Variants in ZNF680 observed in about 807,000 individuals in gnomAD.
ZNF680 encodes the protein hypothetical protein FLJ90430.
A neutral mutation model predicts 12.1 loss-of-function variants in ZNF680; 6 were observed. The ratio of observed to expected loss-of-function variants is 0.49; its 90% CI spans 0.27 to 0.98. The LOEUF (loss-of-function observed/expected upper bound fraction) is 0.98. Ranked by LOEUF, ZNF680 falls within the 50% of genes least tolerant of loss-of-function variation. ZNF680 has a pLI of 0.12. For missense variants in ZNF680, 561 were observed against 616.3 expected (o/e 0.91, Z 0.95); for synonymous variants, 170 against 199.3 (o/e 0.85, Z 1.24).
the ZNF680 span, among the ~76,000 whole-genome samples, chr7:64,504,778 T>A: frequency 6.6e-6 from 1 of 152,216 alleles, no homozygotes; most frequent in African/African-American, 2.4e-5. Context: ...CTTAATTTAA[T>A]CGGCTGTTAT....
At chr7:64,503,378 C>CTTTT in the ZNF680 span, among the ~76,000 whole-genome samples, 66 of 89,890 alleles carry the variant, frequency 7.3e-4, no homozygotes, top group Non-Finnish European at 8.6e-4. Flanking sequence ...AACTGGAAGG[C>CTTTT]TTTTTTTTTT....
intron 3 of ZNF680, chr7:64,525,018 T>C (rs184111754): frequency 6.7e-6 from 1 of 149,066 alleles, no homozygotes; most frequent in Admixed American, 6.7e-5. Context: ...AAATTTCTCA[T>C]GCATTTTTGA....
the ZNF680 span, chr7:64,501,736 A>G: frequency 1.1e-6 from 1 of 914,128 alleles, no homozygotes; most frequent in Non-Finnish European, 1.8e-6. Context: ...TTAAGCACAT[A>G]GTGGGGGTTA....
the ZNF680 span, among the ~76,000 whole-genome samples, chr7:64,511,352 G>A: frequency 0.23 from 34,297 of 152,066 alleles, 4,059 homozygotes; most frequent in South Asian, 0.28. Context: ...ACTGAGGGCT[G>A]ATGCCCTCAG....
chr7:64,524,214 G>A (rs1415179431), intron 3 of ZNF680, among the ~76,000 whole-genome samples: 1 of 147,798 alleles, frequency 6.8e-6, no homozygotes, highest in Non-Finnish European at 1.5e-5. Context: ...ATGGTGAGAT[G>A]TCAGCTCACT....
downstream of ZNF680, among the ~76,000 whole-genome samples, chr7:64,518,751 C>T (rs1349974139): frequency 6.6e-6 from 1 of 151,740 alleles, no homozygotes; most frequent in East Asian, 1.9e-4. Context: ...GAAAGGAAAC[C>T]CTATTGAACA....
At chr7:64,537,508 T>C (rs1047894411) in intron 3 of ZNF680, among the ~76,000 whole-genome samples, 1 of 152,118 alleles carries the variant, frequency 6.6e-6, no homozygotes, top group Non-Finnish European at 1.5e-5. Flanking sequence ...TTTAATTTGA[T>C]TATGATCATA....
chr7:64,506,023 G>A, the ZNF680 span, among the ~76,000 whole-genome samples: 3 of 152,006 alleles, frequency 2.0e-5, no homozygotes, highest in African/African-American at 4.8e-5. Flanking sequence ...TGGCCACAAA[G>A]GCAACACATT....
chr7:64,524,107 G>A (rs1315424171), intron 3 of ZNF680, among the ~76,000 whole-genome samples: 2 of 150,724 alleles, frequency 1.3e-5, no homozygotes, highest in East Asian at 1.9e-4. Flanking sequence ...CATATTTTAT[G>A]AAATATACTT....
At chr7:64,545,903 C>T (rs986384166) in intron 1 of ZNF680, among the ~76,000 whole-genome samples, 2 of 152,156 alleles carry the variant, frequency 1.3e-5, no homozygotes, top group Non-Finnish European at 2.9e-5. Context: ...TGAGTATCCA[C>T]ACGTTCCCAT....
At chr7:64,525,724 T>G (rs1446482189) in intron 3 of ZNF680, 1 of 858,046 alleles carries the variant, frequency 1.2e-6, no homozygotes, top group Non-Finnish European at 1.4e-6. Flanking sequence ...GAGATTATGA[T>G]CGTTTGTAAA....
At chr7:64,532,935 A>G (rs566609266) in intron 3 of ZNF680, among the ~76,000 whole-genome samples, 2 of 152,350 alleles carry the variant, frequency 1.3e-5, no homozygotes, top group African/African-American at 4.8e-5. Flanking sequence ...TCATCTCAAT[A>G]GATGCAGAAA....
chr7:64,521,424 TA>T lies in ZNF680; in HGVS notation c.1329del (p.Phe443LeufsTer12). 1 of 1,613,614 alleles carries T rather than the reference TA, an allele frequency of 6.2e-7. No individual in the cohort carries two copies. Among genetic ancestry groups the T allele is most frequent in the Non-Finnish European group, 8.5e-7 (1 of 1,179,708 alleles). ...TYKCEECGKGFTLFSTLTNHK... is the reference protein window; with the variant it reads ...TYKCEECGKGXTLFSTLTNHK... ...TGGTTAGTAAGGGTTGAAAATAAAG[TA>T]AAGCCTTTGCCACATTCTTCACATT... On this transcript the variant is annotated frameshift_variant, in exon 4 of 4. Transcript: ENST00000309683. LOFTEE classifies it low-confidence loss of function (END_TRUNC).
downstream of ZNF680, among the ~76,000 whole-genome samples, chr7:64,515,040 T>TCACACA (rs60936039): frequency 5.5e-4 from 82 of 149,190 alleles, no homozygotes; most frequent in South Asian, 1.1e-3. Context: ...CAAAACTCTG[T>TCACACA]CACACACACA....
intron 1 of ZNF680, among the ~76,000 whole-genome samples, chr7:64,554,561 T>G (rs1370427263): frequency 6.6e-6 from 1 of 151,806 alleles, no homozygotes; most frequent in Non-Finnish European, 1.5e-5. Context: ...AAGGGGGAAA[T>G]GTGGGGAAAA....
chr7:64,523,912 CAAA>C (rs547200252), intron 3 of ZNF680, among the ~76,000 whole-genome samples: 1 of 115,238 alleles, frequency 8.7e-6, no homozygotes. Context: ...GACTCCATCT[CAAA>C]AAAAAAAAAA....
chr7:64,501,237 C>T, the ZNF680 span: 87 of 880,648 alleles, frequency 9.9e-5, no homozygotes, highest in African/African-American at 1.3e-3. Context: ...TGTACAGTTG[C>T]CCAGCACATT....
At chr7:64,552,928 C>T (rs1787161141) in intron 1 of ZNF680, among the ~76,000 whole-genome samples, 1 of 152,158 alleles carries the variant, frequency 6.6e-6, no homozygotes, top group Admixed American at 6.5e-5. Context: ...GAGTTCAAGA[C>T]CAGCCTGGCC....
At chr7:64,554,157 C>A (rs1353966051) in intron 1 of ZNF680, among the ~76,000 whole-genome samples, 1 of 151,910 alleles carries the variant, frequency 6.6e-6, no homozygotes, top group Non-Finnish European at 1.5e-5. Context: ...TCTGCCCGGC[C>A]GCCCATCGTC....
Sources: gnomAD v4.1 joint callset for allele counts (sites outside exome capture counted in the v4.1 genomes callset) on GRCh38, gnomAD v4.1.1 for gene constraint, MANE v1.5 for transcripts, NCBI Gene and HGNC (gene_info 2026-07-23, HGNC 2026-07-21) for gene names.